The following ADPGK variants were observed in gnomAD, a reference collection of about 807,000 sequenced individuals.
ADPGK encodes the protein ADP dependent glucokinase, also known as ADP-dependent glucokinase.
ADPGK carries 26 observed loss-of-function variants against 42.4 expected under a neutral mutation model. That is an observed-to-expected ratio of 0.61 (90% confidence interval 0.45 to 0.85). ADPGK has a LOEUF of 0.85. ADPGK is among the 40% of genes least tolerant of loss of function. The pLI is 0.00. For missense variants in ADPGK, 571 were observed against 627.0 expected, an observed-to-expected ratio of 0.91 and a Z score of 0.95; for synonymous variants, 267 against 252.6, an observed-to-expected ratio of 1.06 and a Z score of -0.54.
rs534269286 is a variant in ADPGK at position 72,752,127 on chromosome 15, G to A, written c.*214C>T. 8 of 563,186 alleles carry A rather than the reference G, an allele frequency of 1.4e-5. No individual in the cohort carries two copies. In the African/African-American group the frequency reaches 1.5e-4, roughly 11 times the overall value. 34.9% of individuals were successfully genotyped at this position (563,186 alleles called of 1,614,324 possible). A position where few individuals can be genotyped will look rare whatever the true frequency, so the allele number is the denominator to read the frequency against. On this transcript the variant is annotated 3_prime_UTR_variant, in exon 7 of 7. Transcript: ENST00000456471. ...ATTTGGGAACTGAGTTTTTAGCTCT[G>A]TGACACACAACATAAAAAACAAAAA...
intron 5 of ADPGK, 88 bp from the exon 6 acceptor site, chr15:72,755,742 T>C: frequency 9.5e-7 from 1 of 1,053,860 alleles, no homozygotes; most frequent in Non-Finnish European, 1.4e-6. Context: ...GAGAGGCGGT[T>C]CCTCCTGGTA....
chr15:72,769,203 G>A (rs2066298686), intron 3 of ADPGK, among the ~76,000 whole-genome samples: 1 of 152,080 alleles, frequency 6.6e-6, no homozygotes, highest in Non-Finnish European at 1.5e-5. Context: ...GAGATGCAAG[G>A]TTGGTTTAAT....
chr15:72,758,235 T>C (rs1257939916), intron 4 of ADPGK: 2 of 1,022,176 alleles, frequency 2.0e-6, no homozygotes, highest in Non-Finnish European at 3.1e-6. Context: ...ATGGATCTAA[T>C]TCTGCCTGTA....
chr15:72,756,195 G>T, intron 5 of ADPGK, 56 bp downstream of exon 5: 1 of 1,600,380 alleles, frequency 6.2e-7, no homozygotes, highest in Non-Finnish European at 8.6e-7. Context: ...AGAGAGGCTG[G>T]AACCTGAAGA....
chr15:72,762,487 A>G (rs1197097959), intron 3 of ADPGK, among the ~76,000 whole-genome samples: 3 of 152,178 alleles, frequency 2.0e-5, no homozygotes, highest in Non-Finnish European at 4.4e-5. Flanking sequence ...ATTACAGGCC[A>G]ATTCTGAAAA....
At chr15:72,767,490 T>G (rs1415968908) in intron 3 of ADPGK, among the ~76,000 whole-genome samples, 1 of 151,994 alleles carries the variant, frequency 6.6e-6, no homozygotes, top group Non-Finnish European at 1.5e-5. Flanking sequence ...GAAAGGCTTA[T>G]GTATATTCTT....
At chr15:72,782,177 A>G (rs1321788500) in intron 1 of ADPGK, among the ~76,000 whole-genome samples, 1 of 152,122 alleles carries the variant, frequency 6.6e-6, no homozygotes, top group African/African-American at 2.4e-5. Context: ...TATCTTAAGA[A>G]CCTAGCACAG....
At chr15:72,757,810 AT>A (rs1365122190) in intron 4 of ADPGK, 1 of 350,830 alleles carries the variant, frequency 2.9e-6, no homozygotes, top group African/African-American at 2.1e-5. Context: ...CAACCCTTGA[AT>A]AGTGACACTG....
chr15:72,765,618 A>G (rs1327455699), intron 3 of ADPGK, among the ~76,000 whole-genome samples: 4 of 152,264 alleles, frequency 2.6e-5, no homozygotes, highest in African/African-American at 4.8e-5. Flanking sequence ...GGAAGTCAGC[A>G]TATCAACATT....
At chr15:72,780,726 T>G (rs1235925004) in intron 1 of ADPGK, among the ~76,000 whole-genome samples, 1 of 152,152 alleles carries the variant, frequency 6.6e-6, no homozygotes, top group Non-Finnish European at 1.5e-5. Context: ...CACAGTGAGC[T>G]TGAACATGCC....
Position 72,783,524 on chromosome 15 carries a change from C to G in ADPGK, c.168G>C (p.Arg56=). 1.4e-6 allele frequency: 2 copies of G among 1,477,240 alleles called. No individual in the cohort carries two copies. The highest frequency in any genetic ancestry group is 1.8e-6 in the Non-Finnish European group (2 of 1,121,316). 91.5% of individuals were successfully genotyped at this position (1,477,240 alleles called of 1,614,324 possible). A position where few individuals can be genotyped will look rare whatever the true frequency, so the allele number is the denominator to read the frequency against. ...TAAGCGCGTCCCAGGCTGCCGCCAA[C>G]CGGCCCTCGGGGGAGACGGGTCCCG... ...APPGPVSPEG[R]LAAAWDALIV... is the part of the protein sequence containing the mutation. The change falls in exon 1 of 7, where the codon CGG becomes CGC. Residue 56 remains arginine (R), a synonymous_variant. Coordinates refer to ENST00000456471, the MANE Select transcript of ADPGK (RefSeq NM_001365225.1).
rs1458576593 is a variant in ADPGK, at chr15:72,783,675, C to G, written c.17G>C (p.Gly6Ala). The change falls in exon 1 of 7, where the codon GGC becomes GCC. Residue 6 changes from glycine (G) to alanine (A), a missense_variant. Gly to Ala is a moderately conservative substitution (Grantham distance 60). This residue lies in a region of ADPGK where 137 missense variants were observed against 104.2 expected (regional missense o/e 1.31). Transcript: ENST00000456471. ...CGCCAGGAAGCCCGCGTACGCGGAGCCGCGCCACAGCGCCATGGGGACCCA... is the reference window on the plus strand; with the variant it reads ...CGCCAGGAAGCCCGCGTACGCGGAGGCGCGCCACAGCGCCATGGGGACCCA... MALWRGSAYAGFLALA... is the reference protein window; with the variant it reads MALWRASAYAGFLALA... 1.1e-5 allele frequency: 16 copies of G among 1,500,390 alleles called. No individual in the cohort carries two copies. Among genetic ancestry groups the G allele is most frequent in the African/African-American group, 2.9e-5 (2 of 69,058 alleles). The allele number at this position is 1,500,390 out of a possible 1,614,324, so 92.9% of individuals were successfully genotyped here.
chr15:72,779,307 G>A (rs1238772888), intron 1 of ADPGK, among the ~76,000 whole-genome samples: 2 of 138,488 alleles, frequency 1.4e-5, no homozygotes, highest in South Asian at 2.3e-4. Context: ...GGAATGCAAC[G>A]GCGCGATCTC....
chr15:72,758,207 T>G, intron 4 of ADPGK: 1 of 1,348,278 alleles, frequency 7.4e-7, no homozygotes, highest in Non-Finnish European at 1.1e-6. Flanking sequence ...GGAGAGGCCA[T>G]GCAGGGGGCA....
chr15:72,757,173 T>C (rs2151071731), intron 4 of ADPGK: 1 of 152,196 alleles, frequency 6.6e-6, no homozygotes, highest in Admixed American at 6.6e-5. Flanking sequence ...CTGAGGCACA[T>C]GATTTTGCAA....
At chr15:72,783,120 G>A (rs557705605) in intron 1 of ADPGK, 3 of 776,296 alleles carry the variant, frequency 3.9e-6, no homozygotes, top group East Asian at 1.2e-4. Flanking sequence ...GTAAGGTCAA[G>A]TATCTTTGAT....
chr15:72,780,846 T>C (rs1330205494), intron 1 of ADPGK, among the ~76,000 whole-genome samples: 1 of 152,222 alleles, frequency 6.6e-6, no homozygotes, highest in African/African-American at 2.4e-5. Flanking sequence ...TGCCTTTCTT[T>C]ACTCCACCAC....
rs942641459 is a variant in ADPGK, at chr15:72,775,715, A to G, written c.234-618T>C. Among the ~76,000 whole-genome samples, 11 of 152,272 alleles carry G rather than the reference A, an allele frequency of 7.2e-5. No homozygotes were observed. The East Asian group carries it at 2.1e-3, about 29-fold the overall frequency. On this transcript the variant is annotated intron_variant, in intron 1 of 6. Transcript: ENST00000456471. Reference sequence around the variant, plus strand: ...CCCAGCTGAAACCCTGCCTCTTAGAATTTAGTGGTGTTTTACAGACTTAGG... The same window carrying G: ...CCCAGCTGAAACCCTGCCTCTTAGAGTTTAGTGGTGTTTTACAGACTTAGG...
At chr15:72,783,281 G>A (rs1170966570) in intron 1 of ADPGK, 178 bp downstream of exon 1, 4 of 1,252,886 alleles carry the variant, frequency 3.2e-6, no homozygotes, top group South Asian at 6.6e-5. Flanking sequence ...CAGCCGAGTG[G>A]AAAGAGCAGC....
Sources: allele counts gnomAD v4.1 joint callset (sites outside exome capture counted in the v4.1 genomes callset), GRCh38; gene constraint gnomAD v4.1.1; regional missense constraint gnomAD v4.1.1; transcripts MANE v1.5; gene names NCBI Gene and HGNC (gene_info 2026-07-23, HGNC 2026-07-21).